Variants in TTC39B observed in about 807,000 individuals in gnomAD.
The protein encoded by TTC39B is tetratricopeptide repeat domain 39B.
A neutral mutation model predicts 96.6 loss-of-function variants in TTC39B; 92 were observed. That is an observed-to-expected ratio of 0.95 (90% CI 0.80 to 1.13). The LOEUF is 1.13. Among genes scored for constraint, TTC39B ranks in the 50% most tolerant of loss-of-function variants. The probability of loss-of-function intolerance (pLI) is 0.00; values close to 1 mark genes in which losing one functional copy is unlikely to be tolerated. For missense variants in TTC39B, 955 were observed against 809.3 expected (o/e 1.18, Z -2.18); for synonymous variants, 367 against 299.4 (o/e 1.23, Z -2.33).
At chr9:15,249,828 A>G (rs1002648048) in intron 2 of TTC39B, 5 of 1,033,162 alleles carry the variant, frequency 4.8e-6, no homozygotes, top group South Asian at 2.3e-5. Flanking sequence ...AAAAATTTAC[A>G]TAGCCTTCCT....
chr9:15,187,499 C>T (rs1818596598), intron 14 of TTC39B, among the ~76,000 whole-genome samples: 1 of 152,194 alleles, frequency 6.6e-6, no homozygotes, highest in Admixed American at 6.5e-5. Context: ...CTCACTCTGT[C>T]ACCAGGCTGG....
intron 8 of TTC39B, among the ~76,000 whole-genome samples, chr9:15,198,650 A>G (rs1032310082): frequency 1.3e-5 from 2 of 151,842 alleles, no homozygotes; most frequent in Admixed American, 6.6e-5. Context: ...TAAGAGAACA[A>G]CAGTTCTAAA....
In TTC39B at chr9:15,214,135, T is replaced by C; in HGVS notation, c.482+4A>G. 3 of 1,604,372 alleles carry C rather than the reference T, an allele frequency of 1.9e-6. No homozygotes were observed. Among genetic ancestry groups the C allele is most frequent in the Non-Finnish European group, 2.6e-6 (3 of 1,172,194 alleles). On this transcript the variant is annotated splice_donor_region_variant and intron_variant, in intron 4 of 19. Coordinates refer to ENST00000512701, the Ensembl canonical transcript of TTC39B. ...TTTTATCTAAAAGAGACAAAGTAAA[T>C]TACCAGGGGCGAAGCAATTCTAAGG...
Position 15,239,705 on chromosome 9 carries a change from A to G in TTC39B, c.276-13693T>C, listed in dbSNP as rs183502886. Among the ~76,000 whole-genome samples, 15 of 152,344 alleles carry G rather than the reference A, an allele frequency of 9.8e-5. No individual in the cohort carries two copies. In the East Asian group the frequency reaches 2.5e-3, roughly 25 times the overall value. On this transcript the variant is annotated intron_variant, in intron 2 of 19. Transcript: ENST00000512701. Reference sequence around the variant, plus strand: ...GGTTCTCACTTCTGAAAGCTAAACAATAGGTACAAATGCAAATAAAGATGG... The same window carrying G: ...GGTTCTCACTTCTGAAAGCTAAACAGTAGGTACAAATGCAAATAAAGATGG...
chr9:15,265,290 A>G (rs140418649), intron 2 of TTC39B, among the ~76,000 whole-genome samples: 136 of 152,314 alleles, frequency 8.9e-4, no homozygotes, highest in Non-Finnish European at 1.7e-3. Flanking sequence ...AGCTCAGAGA[A>G]GCACAAGCAT....
intron 1 of TTC39B, among the ~76,000 whole-genome samples, chr9:15,286,857 C>T (rs561706241): frequency 2.0e-5 from 3 of 152,264 alleles, no homozygotes; most frequent in South Asian, 2.1e-4. Context: ...GCCCGTAATA[C>T]TCCACTGTTC....
intron 2 of TTC39B, among the ~76,000 whole-genome samples, chr9:15,250,970 G>A (rs1822509167): frequency 6.6e-6 from 1 of 152,102 alleles, no homozygotes; most frequent in African/African-American, 2.4e-5. Flanking sequence ...GGCTGAGGGG[G>A]GCAGATCACA....
At chr9:15,273,063 T>A (rs1212690896) in intron 1 of TTC39B, among the ~76,000 whole-genome samples, 1 of 152,222 alleles carries the variant, frequency 6.6e-6, no homozygotes, top group Admixed American at 6.5e-5. Context: ...CTTAACTCGC[T>A]AGCTTTGTCA....
intron 1 of TTC39B, among the ~76,000 whole-genome samples, chr9:15,287,654 T>C (rs1446190180): frequency 1.3e-5 from 2 of 151,876 alleles, no homozygotes; most frequent in African/African-American, 4.8e-5. Context: ...TGCCATAAAC[T>C]GTAAAGGGAG....
At chr9:15,275,902 C>T (rs534808818) in intron 1 of TTC39B, among the ~76,000 whole-genome samples, 2 of 152,282 alleles carry the variant, frequency 1.3e-5, no homozygotes, top group Admixed American at 1.3e-4. Flanking sequence ...ACACACAATG[C>T]CTTTAAGATC....
At chr9:15,223,722 T>G (rs1820971822) in intron 3 of TTC39B, among the ~76,000 whole-genome samples, 1 of 151,932 alleles carries the variant, frequency 6.6e-6, no homozygotes, top group Non-Finnish European at 1.5e-5. Flanking sequence ...GTTTAGTTTT[T>G]AAAAAGAAAA....
intron 1 of TTC39B, among the ~76,000 whole-genome samples, chr9:15,289,989 T>C (rs2131600468): frequency 6.6e-6 from 1 of 152,304 alleles, no homozygotes; most frequent in South Asian, 2.1e-4. Flanking sequence ...AAAGCACCCG[T>C]GCTCTCCCGG....
chr9:15,235,487 C>A (rs928727419), intron 2 of TTC39B, among the ~76,000 whole-genome samples: 3 of 152,042 alleles, frequency 2.0e-5, no homozygotes, highest in African/African-American at 7.2e-5. Flanking sequence ...CTATGCAAGA[C>A]GAACTTCACC....
At chr9:15,167,028 ATTT>A (rs549150155) in exon 20 of TTC39B, 2 of 11,032 alleles carry the variant, frequency 1.8e-4, no homozygotes, top group Non-Finnish European at 3.1e-4. Context: ...ATATATATAT[ATTT>A]TTTTTTTTTT....
rs374054306 is a variant in TTC39B, at chr9:15,218,635, A to AAAAT, written c.372-4387_372-4386insATTT. On this transcript the variant is annotated intron_variant, in intron 3 of 19. Coordinates refer to ENST00000512701, the Ensembl canonical transcript of TTC39B. Reference sequence around the variant, plus strand: ...AGGATGAATTTTTTAGTCTATTTTAAATATATATATATAATGAACACATAA... The same window carrying AAAAT: ...AGGATGAATTTTTTAGTCTATTTTAAAAATATATATATATATAATGAACACATAA... 7.3e-3 allele frequency among the ~76,000 whole-genome samples: 1,092 copies of AAAAT among 149,526 alleles called. 20 individuals are homozygous for AAAAT. Among genetic ancestry groups the AAAAT allele is most frequent in the African/African-American group, 0.025 (1,037 of 40,676 alleles).
At chr9:15,229,653 A>C (rs1384913153) in intron 2 of TTC39B, among the ~76,000 whole-genome samples, 1 of 152,150 alleles carries the variant, frequency 6.6e-6, no homozygotes, top group Non-Finnish European at 1.5e-5. Context: ...ATACTTTGAC[A>C]TACTGGATTA....
chr9:15,220,489 A>G (rs938394032), intron 3 of TTC39B, among the ~76,000 whole-genome samples: 12 of 152,236 alleles, frequency 7.9e-5, no homozygotes, highest in Admixed American at 3.9e-4. Flanking sequence ...GGATATGACA[A>G]TATCCACCCA....
At chr9:15,302,867 T>C (rs1169403223) in intron 1 of TTC39B, among the ~76,000 whole-genome samples, 2 of 144,690 alleles carry the variant, frequency 1.4e-5, no homozygotes, top group African/African-American at 5.2e-5. Context: ...GAAAAAAATG[T>C]TTAAAAAGCT....
chr9:15,239,339 C>T (rs1232096730), intron 2 of TTC39B, among the ~76,000 whole-genome samples: 1 of 152,158 alleles, frequency 6.6e-6, no homozygotes, highest in Non-Finnish European at 1.5e-5. Flanking sequence ...GCTTCAACCT[C>T]TATGGAAAAC....
Sources: allele counts gnomAD v4.1 joint callset (sites outside exome capture counted in the v4.1 genomes callset), GRCh38; gene constraint gnomAD v4.1.1; transcripts MANE v1.5; gene names NCBI Gene and HGNC (gene_info 2026-07-23, HGNC 2026-07-21).